UBL3: variants seen among roughly 807,000 people sequenced by gnomAD.
UBL3 encodes the protein ubiquitin-like protein 3.
Under a neutral mutation model 18.4 loss-of-function variants are expected in UBL3, and 6 were observed. That is an observed-to-expected ratio of 0.33 (90% CI 0.18 to 0.64). UBL3 has a LOEUF of 0.64. UBL3 is among the 30% of genes least tolerant of loss of function. The probability of loss-of-function intolerance (pLI) is 0.76; values close to 1 mark genes in which losing one functional copy is unlikely to be tolerated. For missense variants in UBL3, 109 were observed against 142.9 expected (o/e 0.76, Z 1.21); for synonymous variants, 49 against 46.6 (o/e 1.05, Z -0.21).
chr13:29,817,013 C>T (rs912399596), intron 1 of UBL3, among the ~76,000 whole-genome samples: 27 of 152,204 alleles, frequency 1.8e-4, no homozygotes, highest in African/African-American at 6.5e-4. Flanking sequence ...TACAACAATC[C>T]CCCAAAGACA....
intron 4 of UBL3, 130 bp from the exon 5 acceptor site, chr13:29,767,437 A>C (rs1201054558): frequency 5.6e-5 from 70 of 1,257,362 alleles, no homozygotes; most frequent in Non-Finnish European, 7.3e-5. Flanking sequence ...AAAATTAAGA[A>C]GCTGTAATAA....
chr13:29,808,178 C>T (rs1877945161), intron 1 of UBL3, among the ~76,000 whole-genome samples: 1 of 152,100 alleles, frequency 6.6e-6, no homozygotes, highest in South Asian at 2.1e-4. Flanking sequence ...TTCCTTCCAA[C>T]TCTTAAGATG....
rs570641362 is a variant in UBL3 at position 29,827,595 on chromosome 13, C to T, written c.27+21917G>A. ...TGTCTCTGCACATGAGATGGGTTTC[C>T]TGAATACAGCACACTGATGGGTCTT... On this transcript the variant is annotated intron_variant, in intron 1 of 4. Transcript: ENST00000380680. Among the ~76,000 whole-genome samples, 23 of 152,302 alleles carry T rather than the reference C, an allele frequency of 1.5e-4. 1 individual carries two copies. The East Asian group carries it at 4.4e-3, about 29-fold the overall frequency.
intron 1 of UBL3, among the ~76,000 whole-genome samples, chr13:29,800,793 A>G (rs1826193874): frequency 6.6e-6 from 1 of 152,142 alleles, no homozygotes; most frequent in South Asian, 2.1e-4. Flanking sequence ...GCAGCTCTGA[A>G]CCTCCCTGGG....
At chr13:29,848,725 T>A (rs1879290844) in intron 1 of UBL3, among the ~76,000 whole-genome samples, 1 of 152,196 alleles carries the variant, frequency 6.6e-6, no homozygotes. Flanking sequence ...ACACGGTTAC[T>A]GTTAGTCAAC....
chr13:29,805,242 A>G (rs1328701665), intron 1 of UBL3, among the ~76,000 whole-genome samples: 2 of 152,234 alleles, frequency 1.3e-5, no homozygotes, highest in East Asian at 1.9e-4. Context: ...TTTTATCACA[A>G]TGGATGGATT....
chr13:29,814,620 G>A (rs1878220459), intron 1 of UBL3, among the ~76,000 whole-genome samples: 1 of 152,028 alleles, frequency 6.6e-6, no homozygotes, highest in Non-Finnish European at 1.5e-5. Flanking sequence ...CTATTATAAA[G>A]TTGAATAAGA....
At chr13:29,808,822 A>G (rs1877961600) in intron 1 of UBL3, among the ~76,000 whole-genome samples, 1 of 152,066 alleles carries the variant, frequency 6.6e-6, no homozygotes, top group Admixed American at 6.6e-5. Flanking sequence ...ATTATTTTCT[A>G]TGTTCCCTTC....
At chr13:29,812,054 A>G (rs982773446) in intron 1 of UBL3, among the ~76,000 whole-genome samples, 3 of 151,970 alleles carry the variant, frequency 2.0e-5, no homozygotes, top group East Asian at 3.9e-4. Context: ...ATGCTCCCCC[A>G]TCTAAATCTT....
At position 29,764,967 on chromosome 13, in the gene UBL3, AT is replaced by A. The variant is rs1876627962; in HGVS notation, c.*2287del. On this transcript the variant is annotated 3_prime_UTR_variant, in exon 5 of 5. Coordinates refer to ENST00000380680, the MANE Select transcript of UBL3 (RefSeq NM_007106.4). ...AAATTTTTGGTGTTTTCAGTATATA[AT>A]TTTACTGCTACTTTTTATTCTTTTT... The A allele has an allele frequency of 6.6e-6, 1 of 151,876 alleles. No homozygotes were observed. The highest frequency in any genetic ancestry group is 1.5e-5 in the Non-Finnish European group (1 of 67,956). 9.4% of individuals were successfully genotyped at this position (151,876 alleles called of 1,614,324 possible).
At chr13:29,832,890 A>C (rs945677981) in intron 1 of UBL3, among the ~76,000 whole-genome samples, 2 of 152,188 alleles carry the variant, frequency 1.3e-5, no homozygotes, top group Admixed American at 1.3e-4. Context: ...TTAGCACTGC[A>C]GTTGAGGACA....
At chr13:29,845,027 G>C (rs1266728893) in intron 1 of UBL3, among the ~76,000 whole-genome samples, 1 of 152,044 alleles carries the variant, frequency 6.6e-6, no homozygotes, top group Non-Finnish European at 1.5e-5. Flanking sequence ...AAAAATATCA[G>C]AGGTGAAATA....
intron 1 of UBL3, 109 bp from the exon 2 acceptor site, chr13:29,777,372 AT>A (rs1400697129): frequency 1.2e-6 from 1 of 829,634 alleles, no homozygotes; most frequent in East Asian, 2.7e-5. Flanking sequence ...TACCAATGCC[AT>A]ATTGTGGTTT....
chr13:29,821,415 A>C (rs749120446), intron 1 of UBL3, among the ~76,000 whole-genome samples: 6 of 152,222 alleles, frequency 3.9e-5, no homozygotes, highest in Non-Finnish European at 7.3e-5. Context: ...GTCATGTCAT[A>C]GTAATCACAA....
At position 29,804,465 on chromosome 13, in the gene UBL3, T is replaced by C. The variant is rs528485720; in HGVS notation, c.28-27202A>G. Among the ~76,000 whole-genome samples, 6 of 152,026 alleles carry C rather than the reference T, an allele frequency of 3.9e-5. No homozygotes were observed. The East Asian group carries it at 5.8e-4, about 15-fold the overall frequency. On this transcript the variant is annotated intron_variant, in intron 1 of 4. Coordinates refer to ENST00000380680, the MANE Select transcript of UBL3 (RefSeq NM_007106.4). ...CCCAAAACTAGCCGAAGACAAGAAATAGCCAAAATTAGAGCTGAAATGAAG... is the reference window on the plus strand; with the variant it reads ...CCCAAAACTAGCCGAAGACAAGAAACAGCCAAAATTAGAGCTGAAATGAAG...
intron 2 of UBL3, among the ~76,000 whole-genome samples, chr13:29,775,532 C>G (rs1876959252): frequency 1.3e-5 from 2 of 152,088 alleles, no homozygotes; most frequent in Admixed American, 1.3e-4. Flanking sequence ...TGAAAAAAAT[C>G]ATATCACTAT....
At chr13:29,796,316 C>G (rs1432981012) in intron 1 of UBL3, among the ~76,000 whole-genome samples, 3 of 151,968 alleles carry the variant, frequency 2.0e-5, no homozygotes, top group African/African-American at 7.2e-5. Context: ...TTAAAGTTAC[C>G]TTTAAGTTTT....
At position 29,849,698 on chromosome 13, in the gene UBL3, G is replaced by T; in HGVS notation, c.-160C>A. ...ATTTTGGAGCCAAAGTGCCGGTCAG[G>T]CCGAGGTTCTGGTTCGAAGAGGAAC... On this transcript the variant is annotated 5_prime_UTR_variant, in exon 1 of 5. Transcript: ENST00000380680. 2 of 930,434 alleles carry T rather than the reference G, an allele frequency of 2.1e-6. No individual in the cohort carries two copies. The highest frequency in any genetic ancestry group is 3.3e-6 in the Non-Finnish European group (2 of 610,372). 57.6% of individuals were successfully genotyped at this position (930,434 alleles called of 1,614,324 possible). A position where few individuals can be genotyped will look rare whatever the true frequency, so the allele number is the denominator to read the frequency against.
At chr13:29,846,007 C>T (rs1240396897) in intron 1 of UBL3, among the ~76,000 whole-genome samples, 1 of 152,004 alleles carries the variant, frequency 6.6e-6, no homozygotes, top group Non-Finnish European at 1.5e-5. Context: ...TTTACCAATC[C>T]AGAAAACAAA....
Sources: allele counts gnomAD v4.1 joint callset (sites outside exome capture counted in the v4.1 genomes callset), GRCh38; gene constraint gnomAD v4.1.1; transcripts MANE v1.5; gene names NCBI Gene and HGNC (gene_info 2026-07-23, HGNC 2026-07-21).